The following ETV6 variants were observed in gnomAD, a reference collection of about 807,000 sequenced individuals.
The protein encoded by ETV6 is ETS variant transcription factor 6, also known as transcription factor ETV6.
In ETV6, 16 loss-of-function variants were observed where a neutral mutation model predicts 51.1. That is an observed-to-expected ratio of 0.31 (90% confidence interval 0.21 to 0.48). The LOEUF is 0.48. Ranked by LOEUF, ETV6 falls within the 20% of genes least tolerant of loss-of-function variation. The pLI, the probability that ETV6 is intolerant of heterozygous loss-of-function variation, is 0.99. For synonymous variants in ETV6, 240 were observed against 224.1 expected, an observed-to-expected ratio of 1.07 and a Z score of -0.64; for missense variants, 458 against 594.8, an observed-to-expected ratio of 0.77 and a Z score of 2.39.
chr12:11,812,208 C>T (rs1348284233), intron 2 of ETV6, among the ~76,000 whole-genome samples: 4 of 152,130 alleles, frequency 2.6e-5, no homozygotes, highest in Non-Finnish European at 4.4e-5. Context: ...AAATTGACCG[C>T]GTGCACACTC....
chr12:11,816,382 C>G (rs1337320351), intron 2 of ETV6, among the ~76,000 whole-genome samples: 1 of 152,136 alleles, frequency 6.6e-6, no homozygotes, highest in Non-Finnish European at 1.5e-5. Flanking sequence ...GTAGCTGGGA[C>G]TACAGGTGCT....
chr12:11,852,797 A>G (rs925471228), intron 3 of ETV6, among the ~76,000 whole-genome samples: 4 of 152,250 alleles, frequency 2.6e-5, no homozygotes, highest in African/African-American at 9.6e-5. Flanking sequence ...GCTTCTAACT[A>G]TAGAACTATA....
chr12:11,755,151 G>A (rs1293473151), intron 2 of ETV6, among the ~76,000 whole-genome samples: 1 of 152,162 alleles, frequency 6.6e-6, no homozygotes, highest in Non-Finnish European at 1.5e-5. Context: ...TGTGGCCGTA[G>A]CATTGGTTTA....
intron 4 of ETV6, among the ~76,000 whole-genome samples, chr12:11,867,368 G>C (rs190269159): frequency 6.6e-6 from 1 of 152,208 alleles, no homozygotes; most frequent in Admixed American, 6.5e-5. Context: ...CTTTTACGTA[G>C]TACTCCATTT....
chr12:11,829,667 A>G (rs1946213944), intron 2 of ETV6, among the ~76,000 whole-genome samples: 1 of 152,206 alleles, frequency 6.6e-6, no homozygotes, highest in Non-Finnish European at 1.5e-5. Context: ...AAAGTCAGAA[A>G]AATCCACAAA....
At position 11,893,829 on chromosome 12, in the gene ETV6, TATATATATATATAC is replaced by T. The variant is rs1266256490; in HGVS notation, c.*2785_*2798del. 0.041 allele frequency: 3,021 copies of T among 74,338 alleles called. 136 individuals are homozygous for T. The highest frequency in any genetic ancestry group is 0.074 in the East Asian group (265 of 3,602). 4.6% of individuals were successfully genotyped at this position (74,338 alleles called of 1,614,324 possible). A position where few individuals can be genotyped will look rare whatever the true frequency, so the allele number is the denominator to read the frequency against. ...ATATATATATATATATATATATATA[TATATATATATATAC>T]ACACACACACACATACACAAATATT... On this transcript the variant is annotated 3_prime_UTR_variant, in exon 8 of 8. Coordinates refer to ENST00000396373, the MANE Select transcript of ETV6 (RefSeq NM_001987.5).
chr12:11,778,455 T>C (rs1290775750), intron 2 of ETV6, among the ~76,000 whole-genome samples: 1 of 152,246 alleles, frequency 6.6e-6, no homozygotes, highest in African/African-American at 2.4e-5. Flanking sequence ...CAGTGTTTTC[T>C]TGTAACCATC....
At chr12:11,827,411 G>C (rs1381601254) in intron 2 of ETV6, among the ~76,000 whole-genome samples, 1 of 152,150 alleles carries the variant, frequency 6.6e-6, no homozygotes, top group Non-Finnish European at 1.5e-5. Context: ...TTAAAAAACA[G>C]CATGTTCTAG....
chr12:11,678,182 A>G (rs1353764191), intron 1 of ETV6, among the ~76,000 whole-genome samples: 1 of 152,226 alleles, frequency 6.6e-6, no homozygotes, highest in Non-Finnish European at 1.5e-5. Context: ...GCCAGAAAAC[A>G]GAACAAAAAG....
chr12:11,702,871 T>C (rs1865009988), intron 1 of ETV6, among the ~76,000 whole-genome samples: 1 of 152,214 alleles, frequency 6.6e-6, no homozygotes, highest in Non-Finnish European at 1.5e-5. Context: ...TTTTGGAGGC[T>C]GAGCCGGGTA....
intron 1 of ETV6, among the ~76,000 whole-genome samples, chr12:11,689,248 A>G (rs1864698184): frequency 6.6e-6 from 1 of 152,052 alleles, no homozygotes. Flanking sequence ...ATACAATTTT[A>G]TGCTGTTAGG....
chr12:11,768,119 A>G (rs1945189288), intron 2 of ETV6, among the ~76,000 whole-genome samples: 1 of 151,394 alleles, frequency 6.6e-6, no homozygotes, highest in Admixed American at 6.6e-5. Context: ...GGTTCTGCTA[A>G]TTTGATTCTT....
intron 2 of ETV6, among the ~76,000 whole-genome samples, chr12:11,838,916 A>G (rs1469284017): frequency 6.6e-6 from 1 of 152,230 alleles, no homozygotes; most frequent in African/African-American, 2.4e-5. Flanking sequence ...TTGGTGTACA[A>G]ACTGCTCCCT....
At chr12:11,890,403 T>TCAC (rs1230259381) in intron 7 of ETV6, among the ~76,000 whole-genome samples, 1 of 151,472 alleles carries the variant, frequency 6.6e-6, no homozygotes, top group Non-Finnish European at 1.5e-5. Flanking sequence ...CAAAGGGTGC[T>TCAC]CACTACGTCA....
At chr12:11,718,517 G>A (rs1251343088) in intron 1 of ETV6, among the ~76,000 whole-genome samples, 1 of 151,520 alleles carries the variant, frequency 6.6e-6, no homozygotes, top group Non-Finnish European at 1.5e-5. Flanking sequence ...TGAAATCCTA[G>A]CACTTTGGGA....
At chr12:11,677,286 C>T (rs1307222347) in intron 1 of ETV6, among the ~76,000 whole-genome samples, 13 of 152,166 alleles carry the variant, frequency 8.5e-5, no homozygotes, top group African/African-American at 2.9e-4. Context: ...CTCCTCCTGC[C>T]TCTCTCTCTG....
At chr12:11,877,817 T>C (rs1947014550) in intron 5 of ETV6, among the ~76,000 whole-genome samples, 1 of 152,184 alleles carries the variant, frequency 6.6e-6, no homozygotes. Flanking sequence ...AGAATAGTAA[T>C]ACCCATTTCT....
At chr12:11,733,038 C>G (rs1227922353) in intron 1 of ETV6, among the ~76,000 whole-genome samples, 1 of 152,166 alleles carries the variant, frequency 6.6e-6, no homozygotes, top group African/African-American at 2.4e-5. Flanking sequence ...CACTCAGACT[C>G]TGTTTCTCCA....
At chr12:11,665,015 A>T (rs568962903) in intron 1 of ETV6, among the ~76,000 whole-genome samples, 1 of 152,144 alleles carries the variant, frequency 6.6e-6, no homozygotes, top group African/African-American at 2.4e-5. Context: ...TTCCAACCAC[A>T]TAATGAACTT....
Sources: gnomAD v4.1 joint callset for allele counts (sites outside exome capture counted in the v4.1 genomes callset) on GRCh38, gnomAD v4.1.1 for gene constraint, MANE v1.5 for transcripts, NCBI Gene and HGNC (gene_info 2026-07-23, HGNC 2026-07-21) for gene names.